RASD2: variants seen among roughly 807,000 people sequenced by gnomAD.
RASD2 encodes the protein GTP-binding protein Rhes.
In RASD2, 7 loss-of-function variants were observed where a neutral mutation model predicts 15.8. The ratio of observed to expected loss-of-function variants is 0.44; its 90% confidence interval spans 0.25 to 0.83. The LOEUF is 0.83. RASD2 is among the 40% of genes least tolerant of loss of function. The pLI is 0.20. For missense variants in RASD2, 274 were observed against 382.8 expected (o/e 0.72, Z 2.37); for synonymous variants, 155 against 153.6 (o/e 1.01, Z -0.07).
intron 1 of RASD2, among the ~76,000 whole-genome samples, chr22:35,542,783 C>T (rs1193552678): frequency 2.0e-5 from 3 of 152,156 alleles, no homozygotes; most frequent in Non-Finnish European, 4.4e-5. Flanking sequence ...TTCAGGCAGG[C>T]CCTGGGAGAG....
At position 35,547,098 on chromosome 22, in the gene RASD2, C is replaced by T; in HGVS notation, c.271+18C>T. On this transcript the variant is annotated intron_variant, in intron 2 of 2. Coordinates refer to ENST00000216127, the MANE Select transcript of RASD2 (RefSeq NM_014310.4). Reference sequence around the variant, plus strand: ...CCTCACAGGTGAGGCCCACTGGTGCCTGGGCTGGGGCGGCAGGGCCAGGGC... The same window carrying T: ...CCTCACAGGTGAGGCCCACTGGTGCTTGGGCTGGGGCGGCAGGGCCAGGGC... The T allele has an allele frequency of 5.6e-6, 9 of 1,605,838 alleles. No homozygotes were observed. The highest frequency in any genetic ancestry group is 7.7e-6 in the Non-Finnish European group (9 of 1,174,836).
chr22:35,538,789 C>A (rs576857673), upstream of RASD2, among the ~76,000 whole-genome samples: 43 of 152,362 alleles, frequency 2.8e-4, no homozygotes, highest in Non-Finnish European at 5.7e-4. Flanking sequence ...CGACCTGAGT[C>A]TTCCTGACCC....
upstream of RASD2, among the ~76,000 whole-genome samples, chr22:35,540,459 C>G (rs1351840959): frequency 2.0e-5 from 3 of 149,088 alleles, no homozygotes; most frequent in African/African-American, 7.3e-5. Context: ...AGGCGGGGCG[C>G]CGGGGTGGGG....
upstream of RASD2, among the ~76,000 whole-genome samples, chr22:35,537,756 C>T (rs9619553): frequency 0.3 from 45,615 of 151,876 alleles, 7,085 homozygotes; most frequent in African/African-American, 0.36. Context: ...TGGGTAAATA[C>T]AGAGAAAAGG....
upstream of RASD2, among the ~76,000 whole-genome samples, chr22:35,539,967 C>G (rs1313017652): frequency 6.6e-6 from 1 of 152,176 alleles, no homozygotes; most frequent in Non-Finnish European, 1.5e-5. Flanking sequence ...TCGCATGCCT[C>G]GAAGACCTCT....
chr22:35,534,469 C>T, the RASD2 span, among the ~76,000 whole-genome samples: 3 of 152,180 alleles, frequency 2.0e-5, no homozygotes, highest in Non-Finnish European at 2.9e-5. Flanking sequence ...TAAAATGGGT[C>T]CATGTAATTA....
the RASD2 span, among the ~76,000 whole-genome samples, chr22:35,533,216 G>T: frequency 1.2e-4 from 19 of 152,340 alleles, no homozygotes; most frequent in African/African-American, 4.3e-4. Flanking sequence ...TGGAACCTTT[G>T]CTGCTTCAGC....
At chr22:35,543,204 C>T (rs534465256) in intron 1 of RASD2, among the ~76,000 whole-genome samples, 18 of 152,240 alleles carry the variant, frequency 1.2e-4, no homozygotes, top group Non-Finnish European at 2.4e-4. Flanking sequence ...CCCAGGATGG[C>T]GTCCCCTCAT....
rs1934340049 is a variant in RASD2 at position 35,541,243 on chromosome 22, C to A, written c.-267C>A. 6.6e-6 allele frequency: 1 copy of A among 151,804 alleles called. No homozygotes were observed. The highest frequency in any genetic ancestry group is 2.1e-4 in the South Asian group (1 of 4,822). The allele number at this position is 151,804 out of a possible 1,614,324, so 9.4% of individuals were successfully genotyped here. On this transcript the variant is annotated 5_prime_UTR_variant, in exon 1 of 3. Coordinates refer to ENST00000216127, the MANE Select transcript of RASD2 (RefSeq NM_014310.4). Reference sequence around the variant, plus strand: ...GCAGGGCAGGGCCGGCGGCGGCGAGCCGGAGCCCGCCCCCTGCCCGGGCCC... The same window carrying A: ...GCAGGGCAGGGCCGGCGGCGGCGAGACGGAGCCCGCCCCCTGCCCGGGCCC...
Position 35,551,047 on chromosome 22 carries a change from A to G in RASD2, c.272-456A>G, listed in dbSNP as rs1934651404. ...ACAGACAGAGAAACTGAGGTTACAG[A>G]GGTTTCGTGATCTGCCCAAGTCTGC... On this transcript the variant is annotated intron_variant, in intron 2 of 2. Coordinates refer to ENST00000216127, the MANE Select transcript of RASD2 (RefSeq NM_014310.4). The surrounding 1 kb of genome is among the most constrained non-coding windows in gnomAD (Gnocchi z 4.9). 6.6e-6 allele frequency among the ~76,000 whole-genome samples: 1 copy of G among 152,202 alleles called. No homozygotes were observed. Among genetic ancestry groups the G allele is most frequent in the Non-Finnish European group, 1.5e-5 (1 of 68,034 alleles).
At chr22:35,535,404 C>CAAA in the RASD2 span, among the ~76,000 whole-genome samples, 52 of 135,220 alleles carry the variant, frequency 3.8e-4, no homozygotes, top group East Asian at 3.1e-3. Context: ...ACCCTGTCTC[C>CAAA]AAAAAAAAAA....
chr22:35,534,362 A>C, the RASD2 span, among the ~76,000 whole-genome samples: 2 of 152,236 alleles, frequency 1.3e-5, no homozygotes, highest in East Asian at 3.8e-4. Context: ...GACTTAGTTC[A>C]AGCTCTGTTA....
the RASD2 span, among the ~76,000 whole-genome samples, chr22:35,532,827 C>T: frequency 6.6e-6 from 1 of 152,118 alleles, no homozygotes; most frequent in African/African-American, 2.4e-5. Context: ...TTCCCAGGTT[C>T]TTCGGTGCCC....
intron 2 of RASD2, among the ~76,000 whole-genome samples, 192 bp downstream of exon 2, chr22:35,547,272 C>G (rs1934532054): frequency 6.6e-6 from 1 of 152,252 alleles, no homozygotes; most frequent in Non-Finnish European, 1.5e-5. Context: ...CGATTCCATT[C>G]TGTTAGACTC....
In RASD2 at chr22:35,541,062, G is replaced by C. The variant is rs1003709541; in HGVS notation, c.-448G>C. On this transcript the variant is annotated 5_prime_UTR_variant, in exon 1 of 3. Coordinates refer to ENST00000216127, the MANE Select transcript of RASD2 (RefSeq NM_014310.4). Reference sequence around the variant, plus strand: ...ACACGCACCCACAGTCACCTCCAAAGGACCCCCCCTCCCCAAGTCTCTAGG... The same window carrying C: ...ACACGCACCCACAGTCACCTCCAAACGACCCCCCCTCCCCAAGTCTCTAGG... The C allele has an allele frequency of 1.3e-4, 20 of 152,326 alleles. No homozygotes were observed. Among genetic ancestry groups the C allele is most frequent in the African/African-American group, 4.8e-4 (20 of 41,430 alleles). The allele number at this position is 152,326 out of a possible 1,614,324, so 9.4% of individuals were successfully genotyped here. A position where few individuals can be genotyped will look rare whatever the true frequency, so the allele number is the denominator to read the frequency against.
chr22:35,536,335 T>TC (rs1357973778), upstream of RASD2, among the ~76,000 whole-genome samples: 1 of 151,824 alleles, frequency 6.6e-6, no homozygotes, highest in African/African-American at 2.4e-5. Flanking sequence ...TCTTTTTTTT[T>TC]TTTTTTTTGA....
At chr22:35,534,506 A>G in the RASD2 span, among the ~76,000 whole-genome samples, 1 of 152,156 alleles carries the variant, frequency 6.6e-6, no homozygotes, top group Non-Finnish European at 1.5e-5. Flanking sequence ...GCCTGCAAAG[A>G]GTGGGGGCTC....
chr22:35,551,464 C>G lies in RASD2; in HGVS notation c.272-39C>G. 1 of 1,582,474 alleles carries G rather than the reference C, an allele frequency of 6.3e-7. No individual in the cohort carries two copies. The highest frequency in any genetic ancestry group is 2.3e-5 in the East Asian group (1 of 44,340). On this transcript the variant is annotated intron_variant, in intron 2 of 2. Coordinates refer to ENST00000216127, the MANE Select transcript of RASD2 (RefSeq NM_014310.4). This position sits in a 1 kb window ranked among gnomAD's most constrained non-coding sequence, Gnocchi z 4.9. ...GGCCAGAGGAGGGCAGGGGTTGCAG[C>G]TGGCCGGTGAACTCACTACCTGGGC...
In RASD2 at chr22:35,551,385, G is replaced by A. The variant is rs1426106561; in HGVS notation, c.272-118G>A. 9 of 986,378 alleles carry A rather than the reference G, an allele frequency of 9.1e-6. No individual in the cohort carries two copies. The highest frequency in any genetic ancestry group is 1.4e-5 in the Non-Finnish European group (9 of 651,096). The allele number at this position is 986,378 out of a possible 1,614,324, so 61.1% of individuals were successfully genotyped here. A position where few individuals can be genotyped will look rare whatever the true frequency, so the allele number is the denominator to read the frequency against. On this transcript the variant is annotated intron_variant, in intron 2 of 2. Transcript: ENST00000216127. This position sits in a 1 kb window ranked among gnomAD's most constrained non-coding sequence, Gnocchi z 4.9. Reference sequence around the variant, plus strand: ...CTGTGTAGGTTAAAGCAGTTATGCCGCATAACTGCTTCAGGGCACCTGTGA... The same window carrying A: ...CTGTGTAGGTTAAAGCAGTTATGCCACATAACTGCTTCAGGGCACCTGTGA...
Sources: allele counts gnomAD v4.1 joint callset (sites outside exome capture counted in the v4.1 genomes callset), GRCh38; gene constraint gnomAD v4.1.1; non-coding constraint Gnocchi (gnomAD v3.1); transcripts MANE v1.5; gene names NCBI Gene and HGNC (gene_info 2026-07-23, HGNC 2026-07-21).